KAZN: variants seen among roughly 807,000 people sequenced by gnomAD.
KAZN encodes kazrin, periplakin interacting protein, also known as kazrin.
KAZN carries 40 observed loss-of-function variants against 87.4 expected under a neutral mutation model. The observed-to-expected ratio is 0.46, with a 90% CI of 0.36 to 0.60. The LOEUF is 0.60. Among genes scored for constraint, KAZN ranks in the 20% least tolerant of loss-of-function variants. The probability of loss-of-function intolerance (pLI) is 0.00; values close to 1 mark genes in which losing one functional copy is unlikely to be tolerated. For synonymous variants in KAZN, 466 were observed against 458.3 expected (o/e 1.02, Z -0.22); for missense variants, 898 against 1,073.9 (o/e 0.84, Z 2.29).
chr1:14,902,518 G>A (rs1572777350), intron 1 of KAZN, among the ~76,000 whole-genome samples: 6 of 152,214 alleles, frequency 3.9e-5, no homozygotes, highest in African/African-American at 1.4e-4. Flanking sequence ...GTGAGCCACC[G>A]CGCCCAGCCA....
intron 1 of KAZN, among the ~76,000 whole-genome samples, chr1:13,906,496 G>A (rs1218115650): frequency 2.0e-5 from 3 of 152,178 alleles, no homozygotes. Flanking sequence ...TACTACTGCT[G>A]AGAAGATGCT....
In KAZN at chr1:14,291,452, G is replaced by A. The variant is rs1311639414; in HGVS notation, c.249+110860G>A. On this transcript the variant is annotated intron_variant, in intron 2 of 16. Transcript: ENST00000636203. ...AATTTGATCTCAGACTGCTGTGCTA[G>A]CAGTGAGCAAGGCTCCATAGGCGTG... 3.3e-5 allele frequency among the ~76,000 whole-genome samples: 5 copies of A among 152,212 alleles called. No homozygotes were observed. In the South Asian group the frequency reaches 8.3e-4, roughly 25 times the overall value.
chr1:14,236,515 A>G (rs887634314), intron 2 of KAZN, among the ~76,000 whole-genome samples: 3 of 152,142 alleles, frequency 2.0e-5, no homozygotes, highest in Admixed American at 6.5e-5. Context: ...TACTTCATGC[A>G]CTGACCAGGA....
intron 2 of KAZN, among the ~76,000 whole-genome samples, chr1:14,404,920 G>A (rs1258068907): frequency 6.6e-6 from 1 of 152,198 alleles, no homozygotes; most frequent in African/African-American, 2.4e-5. Context: ...TTGTAAAGAT[G>A]AGTGTGGAAG....
chr1:14,347,720 C>T (rs184555197), intron 2 of KAZN, among the ~76,000 whole-genome samples: 206 of 151,874 alleles, frequency 1.4e-3, no homozygotes, highest in South Asian at 2.7e-3. Context: ...ATTATGATAC[C>T]TAGACTATGT....
At chr1:14,869,462 C>T (rs1198778915) in intron 1 of KAZN, among the ~76,000 whole-genome samples, 1 of 152,162 alleles carries the variant, frequency 6.6e-6, no homozygotes, top group Non-Finnish European at 1.5e-5. Flanking sequence ...GGATGTGTGG[C>T]TGGGGCTTTA....
chr1:14,905,003 C>G (rs1415177965), intron 1 of KAZN, among the ~76,000 whole-genome samples: 1 of 152,016 alleles, frequency 6.6e-6, no homozygotes, highest in African/African-American at 2.4e-5. Flanking sequence ...CCTCGTGATC[C>G]GCCCACCTCG....
intron 1 of KAZN, among the ~76,000 whole-genome samples, chr1:14,754,487 G>A (rs1291125089): frequency 6.6e-6 from 1 of 152,070 alleles, no homozygotes; most frequent in Non-Finnish European, 1.5e-5. Context: ...ACAAAAATTA[G>A]CCAGGCATGG....
chr1:14,451,092 G>A (rs1427578337), intron 2 of KAZN, among the ~76,000 whole-genome samples: 1 of 152,154 alleles, frequency 6.6e-6, no homozygotes, highest in Non-Finnish European at 1.5e-5. Flanking sequence ...CTCCCCAGAA[G>A]CTGAGCAGAT....
Position 15,066,035 on chromosome 1 carries a change from G to A in KAZN, c.1222+282G>A, listed in dbSNP as rs1639200809. The A allele has an allele frequency of 8.1e-7, 1 of 1,238,974 alleles. No individual in the cohort carries two copies. Among genetic ancestry groups the A allele is most frequent in the South Asian group, 3.4e-5 (1 of 29,228 alleles). 76.7% of individuals were successfully genotyped at this position (1,238,974 alleles called of 1,614,324 possible). A position where few individuals can be genotyped will look rare whatever the true frequency, so the allele number is the denominator to read the frequency against. ...CATACCGCAAACCGTGTGTGAACCT[G>A]TCAACTCTCTGTCGTCTTTGGAGCG... On this transcript the variant is annotated intron_variant, in intron 8 of 14. Transcript: ENST00000376030. The surrounding 1 kb of genome is among the most constrained non-coding windows in gnomAD (Gnocchi z 4.3).
chr1:15,006,926 G>A (rs1394474200), intron 2 of KAZN, among the ~76,000 whole-genome samples: 10 of 151,978 alleles, frequency 6.6e-5, no homozygotes, highest in South Asian at 2.1e-4. Flanking sequence ...GCATGGTGGC[G>A]GGCACCTGTA....
rs541253468 is a variant in KAZN at position 14,684,925 on chromosome 1, G to A, written c.226+85702G>A. Reference sequence around the variant, plus strand: ...GTAATTTCTGGGGATTTAGGATGGGGACATCTTTGGGGGCCATTATACAGG... The same window carrying A: ...GTAATTTCTGGGGATTTAGGATGGGAACATCTTTGGGGGCCATTATACAGG... On this transcript the variant is annotated intron_variant, in intron 1 of 14. Transcript: ENST00000376030. Among the ~76,000 whole-genome samples the A allele has an allele frequency of 5.9e-5, 9 of 152,260 alleles. No individual in the cohort carries two copies. In the East Asian group the frequency reaches 1.7e-3, roughly 29 times the overall value.
At chr1:14,077,007 A>G (rs1223726459) in intron 1 of KAZN, among the ~76,000 whole-genome samples, 1 of 152,176 alleles carries the variant, frequency 6.6e-6, no homozygotes, top group Non-Finnish European at 1.5e-5. Context: ...CTAGGACTCC[A>G]GCCTTTAGGG....
chr1:15,029,833 C>T (rs1671509054), intron 2 of KAZN, among the ~76,000 whole-genome samples: 1 of 152,140 alleles, frequency 6.6e-6, no homozygotes, highest in South Asian at 2.1e-4. Flanking sequence ...GGTGTAAATC[C>T]CCCAGGGAGC....
intron 1 of KAZN, among the ~76,000 whole-genome samples, chr1:14,018,394 TC>T (rs776781143): frequency 2.0e-5 from 3 of 152,158 alleles, no homozygotes; most frequent in Non-Finnish European, 4.4e-5. Context: ...CTTATCAATC[TC>T]CCAGTGTGAA....
chr1:14,175,382 C>T (rs141697559), intron 1 of KAZN, among the ~76,000 whole-genome samples: 4 of 152,306 alleles, frequency 2.6e-5, no homozygotes, highest in African/African-American at 7.2e-5. Context: ...GGATTTCAGG[C>T]GTGAGCCACC....
intron 2 of KAZN, among the ~76,000 whole-genome samples, chr1:14,370,055 A>G (rs1660346018): frequency 6.6e-6 from 1 of 152,214 alleles, no homozygotes; most frequent in South Asian, 2.1e-4. Flanking sequence ...ATCAGCCATG[A>G]ATCTTTGCAC....
chr1:14,417,385 G>A (rs1024475870), intron 2 of KAZN, among the ~76,000 whole-genome samples: 2 of 152,106 alleles, frequency 1.3e-5, no homozygotes, highest in East Asian at 1.9e-4. Flanking sequence ...TTTCTCTGGC[G>A]GCTGATTTGG....
chr1:14,503,170 C>T (rs1184570554), intron 2 of KAZN, among the ~76,000 whole-genome samples: 1 of 151,936 alleles, frequency 6.6e-6, no homozygotes, highest in Non-Finnish European at 1.5e-5. Flanking sequence ...CAACGCCAAT[C>T]TCAGAGAGGT....
Sources: allele counts gnomAD v4.1 joint callset (sites outside exome capture counted in the v4.1 genomes callset), GRCh38; gene constraint gnomAD v4.1.1; non-coding constraint Gnocchi (gnomAD v3.1); transcripts MANE v1.5; gene names NCBI Gene and HGNC (gene_info 2026-07-23, HGNC 2026-07-21).